Variants in NAALAD2 observed in about 807,000 individuals in gnomAD.
The protein encoded by NAALAD2 is N-acetylated-alpha-linked acidic dipeptidase 2.
NAALAD2 carries 89 observed loss-of-function variants against 95.6 expected under a neutral mutation model. The ratio of observed to expected loss-of-function variants is 0.93; its 90% confidence interval spans 0.78 to 1.11. NAALAD2 has a LOEUF of 1.11. Ranked by LOEUF, NAALAD2 falls within the 50% of genes least tolerant of loss-of-function variation. The probability of loss-of-function intolerance (pLI) is 0.00; values close to 1 mark genes in which losing one functional copy is unlikely to be tolerated. For missense variants in NAALAD2, 894 were observed against 872.4 expected (o/e 1.02, Z -0.31); for synonymous variants, 264 against 294.4 (o/e 0.90, Z 1.06).
At chr11:90,171,921 T>C (rs558964280) in intron 13 of NAALAD2, among the ~76,000 whole-genome samples, 1 of 152,096 alleles carries the variant, frequency 6.6e-6, no homozygotes, top group Non-Finnish European at 1.5e-5. Flanking sequence ...CACATGCCTA[T>C]AGTTCCAGCT....
In NAALAD2 at chr11:90,191,768, A is replaced by G. The variant is rs1857336121; in HGVS notation, c.*21A>G. 6 of 1,475,104 alleles carry G rather than the reference A, an allele frequency of 4.1e-6. No homozygotes were observed. The East Asian group carries it at 1.2e-4, about 30-fold the overall frequency. 91.4% of individuals were successfully genotyped at this position (1,475,104 alleles called of 1,614,324 possible). The stretch of plus-strand genomic sequence containing the variant: ...TATAGAAGGTCTCAAGTGGCTAGCC[A>G]TTAAAGGTGTTGCTAAAAGTCTGAG... On this transcript the variant is annotated 3_prime_UTR_variant, in exon 19 of 19. Transcript: ENST00000534061.
At chr11:90,183,793 G>T (rs1417981836) in intron 18 of NAALAD2, among the ~76,000 whole-genome samples, 2 of 152,142 alleles carry the variant, frequency 1.3e-5, no homozygotes, top group Non-Finnish European at 2.9e-5. Flanking sequence ...AGGTAGGCTA[G>T]GCCAAGCTAT....
At chr11:90,155,348 T>C (rs1952040661) in intron 6 of NAALAD2, among the ~76,000 whole-genome samples, 5 of 115,220 alleles carry the variant, frequency 4.3e-5, no homozygotes, top group South Asian at 2.5e-4. Context: ...ATATATATTA[T>C]ATATTACATG....
intron 14 of NAALAD2, among the ~76,000 whole-genome samples, chr11:90,174,544 C>T (rs1267281400): frequency 6.6e-6 from 1 of 151,934 alleles, no homozygotes; most frequent in Non-Finnish European, 1.5e-5. Flanking sequence ...AATATAACTT[C>T]AGATGATAAT....
In NAALAD2 at chr11:90,168,857, A is replaced by G. The variant is rs140180497; in HGVS notation, c.1279-72A>G. On this transcript the variant is annotated intron_variant, in intron 11 of 18. Coordinates refer to ENST00000534061, the MANE Select transcript of NAALAD2 (RefSeq NM_005467.4). The stretch of plus-strand genomic sequence containing the variant: ...TTGTAAACCGCTTTTCCACGAAATT[A>G]ATTTGCTTATTTTGTTTACATTTTC... 3.2e-4 allele frequency: 401 copies of G among 1,249,660 alleles called. 1 individual carries two copies. The African/African-American group carries it at 5.2e-3, about 16-fold the overall frequency. 77.4% of individuals were successfully genotyped at this position (1,249,660 alleles called of 1,614,324 possible). A position where few individuals can be genotyped will look rare whatever the true frequency, so the allele number is the denominator to read the frequency against.
At chr11:90,155,932 T>A (rs1002703219) in intron 6 of NAALAD2, among the ~76,000 whole-genome samples, 3 of 144,184 alleles carry the variant, frequency 2.1e-5, no homozygotes, top group Non-Finnish European at 3.0e-5. Context: ...GTAATGTATA[T>A]GTGATCTATT....
Position 90,147,529 on chromosome 11 carries a change from G to T in NAALAD2, c.381+13G>T, listed in dbSNP as rs1951775617. On this transcript the variant is annotated intron_variant, in intron 3 of 18. Transcript: ENST00000534061. ...ACATGAAACTGAGGTATGTGAAATT[G>T]TTGGTACTTTTTATATTTTGCAATC... 6.3e-7 allele frequency: 1 copy of T among 1,587,272 alleles called. No individual in the cohort carries two copies. Among genetic ancestry groups the T allele is most frequent in the Non-Finnish European group, 8.6e-7 (1 of 1,166,508 alleles).
At chr11:90,134,659 A>AC, upstream of NAALAD2, 1 of 1,201,642 alleles carries the variant, frequency 8.3e-7, no homozygotes, top group African/African-American at 1.5e-5. Context: ...AGCGGAGGCC[A>AC]CCCAGAGCTC....
intron 3 of NAALAD2, 67 bp downstream of exon 3, chr11:90,147,583 G>A (rs529677824): frequency 6.5e-5 from 89 of 1,379,426 alleles, no homozygotes; most frequent in Non-Finnish European, 8.4e-5. Flanking sequence ...TGTAATGTAG[G>A]GTCAAGTAAA....
chr11:90,153,549 C>T (rs1423477674), intron 6 of NAALAD2, among the ~76,000 whole-genome samples: 1 of 151,970 alleles, frequency 6.6e-6, no homozygotes, highest in African/African-American at 2.4e-5. Flanking sequence ...TGGTCCTTTC[C>T]ATATGAGTTT....
intron 6 of NAALAD2, among the ~76,000 whole-genome samples, chr11:90,153,183 T>G (rs992989967): frequency 2.0e-5 from 3 of 152,192 alleles, no homozygotes; most frequent in Admixed American, 6.6e-5. Context: ...TTTATTCCTT[T>G]ACTTGTAGAT....
intron 2 of NAALAD2, among the ~76,000 whole-genome samples, chr11:90,138,763 A>ATTTTTT (rs1951522839): frequency 1.6e-5 from 1 of 60,680 alleles, no homozygotes; most frequent in Admixed American, 2.3e-4. Flanking sequence ...TTTTTTTGCC[A>ATTTTTT]TATTCACAAT....
At chr11:90,181,015 G>C (rs1037670709) in intron 16 of NAALAD2, among the ~76,000 whole-genome samples, 2 of 152,036 alleles carry the variant, frequency 1.3e-5, no homozygotes, top group East Asian at 3.9e-4. Context: ...TGCTTCCATG[G>C]AATATGGTTA....
chr11:90,169,507 C>CAA (rs540978451), intron 12 of NAALAD2: 1,471 of 110,028 alleles, frequency 0.013, 23 homozygotes, highest in African/African-American at 0.045. Context: ...CCCTGACTCT[C>CAA]AAAAAAAAAA....
chr11:90,141,739 T>A (rs532100865), intron 2 of NAALAD2, among the ~76,000 whole-genome samples: 1 of 152,250 alleles, frequency 6.6e-6, no homozygotes, highest in South Asian at 2.1e-4. Context: ...TGTGAGCCAC[T>A]GGACTTGGCT....
rs529779298 is a variant in NAALAD2, at chr11:90,181,725, TTAAA to T, written c.1940+25_1940+28del. ...AAGTAAGTTTCAAATCCCTTTTTTT[TTAAA>T]AAAAAAAAAAAAAGCAATCTGGTTA... On this transcript the variant is annotated intron_variant, in intron 17 of 18. Transcript: ENST00000534061. The T allele has an allele frequency of 2.2e-3, 3,054 of 1,365,784 alleles. 45 individuals are homozygous for T. The African/African-American group carries it at 0.043, about 19-fold the overall frequency. The allele number at this position is 1,365,784 out of a possible 1,614,324, so 84.6% of individuals were successfully genotyped here. A position where few individuals can be genotyped will look rare whatever the true frequency, so the allele number is the denominator to read the frequency against.
At position 90,191,972 on chromosome 11, in the gene NAALAD2, C is replaced by G. The variant is rs781220160; in HGVS notation, c.*225C>G. The G allele has an allele frequency of 3.5e-6, 1 of 288,494 alleles. No individual in the cohort carries two copies. The highest frequency in any genetic ancestry group is 6.3e-6 in the Non-Finnish European group (1 of 157,680). The allele number at this position is 288,494 out of a possible 1,614,324, so 17.9% of individuals were successfully genotyped here. ...AATGAAGTAAAAAACTCCTGTGTGG[C>G]AGAAAGTAAAAGAAAATTCCCTAAA... On this transcript the variant is annotated 3_prime_UTR_variant, in exon 19 of 19. Coordinates refer to ENST00000534061, the MANE Select transcript of NAALAD2 (RefSeq NM_005467.4).
intron 11 of NAALAD2, among the ~76,000 whole-genome samples, chr11:90,165,753 T>G (rs1057153945): frequency 6.6e-6 from 1 of 152,194 alleles, no homozygotes; most frequent in Non-Finnish European, 1.5e-5. Flanking sequence ...CTTGCCCCTG[T>G]GGTGGGTGAG....
rs1318842037 is a variant in NAALAD2, at chr11:90,182,903, G to A, written c.1941-13G>A. On this transcript the variant is annotated splice_polypyrimidine_tract_variant and intron_variant, in intron 17 of 18. Transcript: ENST00000534061. ...CGGTTTGCGTTATAATTATGTATAT[G>A]TTCTTCTCGAAGTCCCATTGCAGTG... is the stretch of plus-strand genomic sequence containing the variant. 1.9e-6 allele frequency: 3 copies of A among 1,578,680 alleles called. No individual in the cohort carries two copies. Among genetic ancestry groups the A allele is most frequent in the East Asian group, 2.2e-5 (1 of 44,586 alleles).
Sources: gnomAD v4.1 joint callset for allele counts (sites outside exome capture counted in the v4.1 genomes callset) on GRCh38, gnomAD v4.1.1 for gene constraint, MANE v1.5 for transcripts, NCBI Gene and HGNC (gene_info 2026-07-23, HGNC 2026-07-21) for gene names.